Variants in APP observed in about 807,000 individuals in gnomAD.
The protein encoded by APP is amyloid beta precursor protein, also known as amyloid-beta precursor protein.
Under a neutral mutation model 101.4 loss-of-function variants are expected in APP, and 31 were observed. That is an observed-to-expected ratio of 0.31 (90% CI 0.23 to 0.41). The LOEUF (loss-of-function observed/expected upper bound fraction) is 0.41. Among genes scored for constraint, APP ranks in the 10% least tolerant of loss-of-function variants. The probability of loss-of-function intolerance (pLI) is 1.00; values close to 1 mark genes in which losing one functional copy is unlikely to be tolerated. For synonymous variants in APP, 366 were observed against 364.4 expected, an observed-to-expected ratio of 1.00 and a Z score of -0.05; for missense variants, 839 against 1,003.7, an observed-to-expected ratio of 0.84 and a Z score of 2.22.
At position 25,975,183 on chromosome 21, in the gene APP, C is replaced by T. The variant is rs539339652; in HGVS notation, c.1345G>A (p.Glu449Lys). 8.1e-6 allele frequency: 13 copies of T among 1,614,208 alleles called. No individual in the cohort carries two copies. The highest frequency in any genetic ancestry group is 2.7e-5 in the African/African-American group (2 of 75,046). ...VESLEQEAANERQQLVETHMA... is the reference protein window; with the variant it reads ...VESLEQEAANKRQQLVETHMA... ...TGTGTCTCCACCAGCTGCTGTCTCT[C>T]GTTGGCTGCTTCCTGTTCCAAAGAT... The change falls in exon 11 of 18, where the codon GAG becomes AAG. Residue 449 changes from glutamate (E) to lysine (K), a missense_variant. Transcript: ENST00000346798.
intron 11 of APP, among the ~76,000 whole-genome samples, chr21:25,956,257 C>T (rs184630066): frequency 9.2e-5 from 14 of 152,270 alleles, no homozygotes; most frequent in Admixed American, 9.2e-4. Flanking sequence ...AGTAACTGAA[C>T]TGTAAGAGAC....
chr21:25,947,955 A>C (rs1223201292), intron 13 of APP, among the ~76,000 whole-genome samples: 1 of 149,326 alleles, frequency 6.7e-6, no homozygotes, highest in Non-Finnish European at 1.5e-5. Flanking sequence ...CAGTGAGCCG[A>C]GATCACGCCA....
intron 11 of APP, among the ~76,000 whole-genome samples, chr21:25,969,200 T>G (rs529584155): frequency 5.3e-5 from 8 of 149,664 alleles, no homozygotes; most frequent in Non-Finnish European, 1.2e-4. Context: ...AAAAAAACAT[T>G]AGCCAGGCAT....
chr21:26,029,554 CA>C (rs1158851879), intron 5 of APP, among the ~76,000 whole-genome samples: 1 of 151,938 alleles, frequency 6.6e-6, no homozygotes, highest in Non-Finnish European at 1.5e-5. Flanking sequence ...GTCCAGGGGC[CA>C]AAGATAGCTC....
In APP at chr21:26,129,460, C is replaced by T. The variant is rs557377995; in HGVS notation, c.58-17314G>A. ...TTCCAGCCTGGGTGACAGAGTGAGA[C>T]TCCGTTTCAAAAAAAAAAAAAAATT... On this transcript the variant is annotated intron_variant, in intron 1 of 17. Coordinates refer to ENST00000346798, the MANE Select transcript of APP (RefSeq NM_000484.4). 1.4e-3 allele frequency among the ~76,000 whole-genome samples: 209 copies of T among 150,242 alleles called. 3 individuals carry two copies. Among genetic ancestry groups the T allele is most frequent in the Middle Eastern group, 6.8e-3 (2 of 292 alleles).
At position 25,881,670 on chromosome 21, in the gene APP, C is replaced by G; in HGVS notation, c.2313G>C (p.Ter771TyrextTer26). 1 of 1,613,604 alleles carries G rather than the reference C, an allele frequency of 6.2e-7. No homozygotes were observed. The highest frequency in any genetic ancestry group is 1.1e-5 in the South Asian group (1 of 91,056). ...CTTCAGAGGCTGCTGTGGCGGGGGT[C>G]TAGTTCTGCATCTGCTCAAAGAACT... ...TYKFFEQMQN[*>Y] Residue 771 changes from the stop codon to tyrosine, a stop_lost, in exon 18 of 18, where the codon TAG becomes TAC. Coordinates refer to ENST00000346798, the MANE Select transcript of APP (RefSeq NM_000484.4).
chr21:26,113,296 C>T (rs2062368518), intron 1 of APP, among the ~76,000 whole-genome samples: 1 of 152,134 alleles, frequency 6.6e-6, no homozygotes, highest in African/African-American at 2.4e-5. Context: ...AAAAACTGTC[C>T]ACAGGAGGAA....
At chr21:26,159,849 T>C (rs1216823084) in intron 1 of APP, among the ~76,000 whole-genome samples, 1 of 152,116 alleles carries the variant, frequency 6.6e-6, no homozygotes, top group African/African-American at 2.4e-5. Context: ...CCCAGAAAAT[T>C]CACAATGATA....
chr21:26,130,939 T>C (rs1041962148), intron 1 of APP, among the ~76,000 whole-genome samples: 1 of 152,156 alleles, frequency 6.6e-6, no homozygotes, highest in East Asian at 1.9e-4. Flanking sequence ...AATATAAATA[T>C]ATGTTGTTGG....
At chr21:26,059,458 T>A (rs1416985051) in intron 3 of APP, among the ~76,000 whole-genome samples, 1 of 152,176 alleles carries the variant, frequency 6.6e-6, no homozygotes, top group Non-Finnish European at 1.5e-5. Flanking sequence ...TGGGCCCAGA[T>A]CTGCCTTGTG....
At chr21:26,102,368 C>T (rs1356104022) in intron 2 of APP, among the ~76,000 whole-genome samples, 4 of 152,014 alleles carry the variant, frequency 2.6e-5, no homozygotes, top group African/African-American at 9.6e-5. Flanking sequence ...GGATTACAGG[C>T]GTGAGCCACT....
At chr21:25,958,404 GT>G (rs1837714120) in intron 11 of APP, among the ~76,000 whole-genome samples, 1 of 152,132 alleles carries the variant, frequency 6.6e-6, no homozygotes, top group African/African-American at 2.4e-5. Context: ...AGTCTCCTGA[GT>G]AGCTGGGACT....
chr21:25,896,768 T>C (rs1188172872), intron 16 of APP, among the ~76,000 whole-genome samples: 4 of 152,190 alleles, frequency 2.6e-5, no homozygotes, highest in African/African-American at 9.7e-5. Context: ...AACCTTTTGA[T>C]GAATAACACT....
At chr21:25,955,907 T>C (rs1019660065) in intron 11 of APP, 152 bp from the exon 12 acceptor site, 1 of 1,104,226 alleles carries the variant, frequency 9.1e-7, no homozygotes, top group Non-Finnish European at 1.3e-6. Flanking sequence ...ACATTTCTCC[T>C]ACTCCTTTCT....
intron 11 of APP, among the ~76,000 whole-genome samples, chr21:25,969,105 G>A (rs918703115): frequency 2.6e-5 from 4 of 151,808 alleles, no homozygotes; most frequent in African/African-American, 4.8e-5. Context: ...TTTGGGAGGC[G>A]GAGGCTGGCG....
chr21:25,999,785 C>G (rs1346070399), intron 7 of APP, among the ~76,000 whole-genome samples: 2 of 152,154 alleles, frequency 1.3e-5, no homozygotes, highest in Non-Finnish European at 2.9e-5. Context: ...TGTGCTACAG[C>G]TAGGAAGAGA....
intron 13 of APP, among the ~76,000 whole-genome samples, chr21:25,915,050 C>T (rs182838202): frequency 2.8e-4 from 42 of 152,316 alleles, no homozygotes; most frequent in Admixed American, 2.7e-3. Context: ...AGTGGGTCTT[C>T]ATTTTCTACC....
intron 3 of APP, among the ~76,000 whole-genome samples, chr21:26,077,004 G>A (rs1282862215): frequency 1.3e-5 from 2 of 150,416 alleles, no homozygotes; most frequent in African/African-American, 2.4e-5. Context: ...CGGAGGCTGC[G>A]ATGAGCCAAG....
intron 3 of APP, among the ~76,000 whole-genome samples, chr21:26,054,540 CT>C (rs1289000927): frequency 6.6e-6 from 1 of 150,378 alleles, no homozygotes; most frequent in African/African-American, 2.4e-5. Context: ...GGAAGTAGCA[CT>C]GGGGAAGCAT....
Sources: allele counts gnomAD v4.1 joint callset (sites outside exome capture counted in the v4.1 genomes callset), GRCh38; gene constraint gnomAD v4.1.1; transcripts MANE v1.5; gene names NCBI Gene and HGNC (gene_info 2026-07-23, HGNC 2026-07-21).